DLG2: variants seen among roughly 807,000 people sequenced by gnomAD.
The protein encoded by DLG2 is discs large MAGUK scaffold protein 2, also known as disks large homolog 2.
DLG2 carries 45 observed loss-of-function variants against 132.5 expected under a neutral mutation model. That is an observed-to-expected ratio of 0.34 (90% CI 0.27 to 0.44). The LOEUF is 0.44. Among genes scored for constraint, DLG2 ranks in the 20% least tolerant of loss-of-function variants. The probability of loss-of-function intolerance (pLI) is 1.00; values close to 1 mark genes in which losing one functional copy is unlikely to be tolerated. For missense variants in DLG2, 1,045 were observed against 1,196.9 expected (o/e 0.87, Z 1.87); for synonymous variants, 424 against 419.6 (o/e 1.01, Z -0.13).
intron 8 of DLG2, among the ~76,000 whole-genome samples, chr11:84,222,308 A>G (rs2096927267): frequency 6.6e-6 from 1 of 152,228 alleles, no homozygotes; most frequent in Non-Finnish European, 1.5e-5. Flanking sequence ...CTGGGATTAC[A>G]GGTGTATGCC....
chr11:84,139,439 G>A (rs906573641), intron 9 of DLG2, among the ~76,000 whole-genome samples: 1 of 152,064 alleles, frequency 6.6e-6, no homozygotes, highest in Non-Finnish European at 1.5e-5. Context: ...AAGACGAAAG[G>A]GAAGAGATTG....
Position 83,469,245 on chromosome 11 carries a change from A to C in DLG2, c.2575T>G (p.Leu859Val). 1 of 1,613,496 alleles carries C rather than the reference A, an allele frequency of 6.2e-7. No individual in the cohort carries two copies. Among genetic ancestry groups the C allele is most frequent in the African/African-American group, 1.3e-5 (1 of 74,980 alleles). ...FIEAGQYNDN[L>V]YGTSVQSVRF... is the part of the protein sequence containing the mutation. ...ACAGACTGCACACTGGTTCCATATA[A>C]ATTGTCATTGTACTGGCCGGCTTCT... The change falls in exon 25 of 28, where the codon TTA (leucine) becomes GTA (valine). Residue 859 changes from leucine to valine, a missense_variant. Leu to Val is a conservative substitution (Grantham distance 32). Around this residue, in one of 4 missense-constraint regions of DLG2, gnomAD observed 398 missense variants for 543.6 expected, o/e 0.73. Coordinates refer to ENST00000376104, the MANE Select transcript of DLG2 (RefSeq NM_001142699.3).
chr11:84,881,391 G>T (rs1262828350), intron 6 of DLG2, among the ~76,000 whole-genome samples: 4 of 152,026 alleles, frequency 2.6e-5, no homozygotes, highest in Non-Finnish European at 5.9e-5. Flanking sequence ...AGCCAACAAG[G>T]GAGATCACAG....
intron 3 of DLG2, among the ~76,000 whole-genome samples, chr11:85,477,500 G>A (rs2093176693): frequency 6.6e-6 from 1 of 152,184 alleles, no homozygotes; most frequent in Non-Finnish European, 1.5e-5. Context: ...AGACATTAGA[G>A]AATAAATAGT....
chr11:85,037,070 A>T (rs144837061), intron 6 of DLG2, among the ~76,000 whole-genome samples: 26 of 152,304 alleles, frequency 1.7e-4, no homozygotes, highest in African/African-American at 5.5e-4. Context: ...AGCTCCTCTG[A>T]AGGCTGTTGG....
chr11:83,765,947 C>T (rs1415984407), intron 18 of DLG2, among the ~76,000 whole-genome samples: 2 of 152,156 alleles, frequency 1.3e-5, no homozygotes, highest in African/African-American at 4.8e-5. Flanking sequence ...TTTGAGAGCA[C>T]ACTTGACAGC....
chr11:85,493,059 A>G (rs2093598037), intron 3 of DLG2, among the ~76,000 whole-genome samples: 1 of 152,148 alleles, frequency 6.6e-6, no homozygotes, highest in Non-Finnish European at 1.5e-5. Context: ...TTCCTGAGTC[A>G]TATTGGCAGG....
At chr11:83,681,120 A>T (rs1264346834) in intron 18 of DLG2, among the ~76,000 whole-genome samples, 3 of 152,088 alleles carry the variant, frequency 2.0e-5, no homozygotes, top group African/African-American at 7.2e-5. Context: ...TGTCCTTGCT[A>T]CTCCTCTCCA....
At chr11:83,947,901 T>C (rs182107983) in intron 14 of DLG2, among the ~76,000 whole-genome samples, 84 of 152,300 alleles carry the variant, frequency 5.5e-4, no homozygotes, top group Non-Finnish European at 2.2e-4. Flanking sequence ...GAATCTATCA[T>C]CTCAGGTTCC....
At chr11:84,015,239 T>G (rs988698480) in intron 11 of DLG2, among the ~76,000 whole-genome samples, 1 of 152,150 alleles carries the variant, frequency 6.6e-6, no homozygotes. Context: ...GATCACTAAA[T>G]ATAAAGAAGC....
chr11:85,136,598 A>T (rs1275709991), intron 5 of DLG2, among the ~76,000 whole-genome samples: 1 of 152,210 alleles, frequency 6.6e-6, no homozygotes, highest in Non-Finnish European at 1.5e-5. Flanking sequence ...GAGGTTAATG[A>T]TCTAAAACTA....
chr11:83,831,098 T>C (rs2054363042), intron 17 of DLG2, among the ~76,000 whole-genome samples: 1 of 152,224 alleles, frequency 6.6e-6, no homozygotes. Flanking sequence ...GAGACTGCTA[T>C]GTGCCAGGCA....
intron 16 of DLG2, among the ~76,000 whole-genome samples, chr11:83,850,001 G>T (rs1406953395): frequency 1.3e-5 from 2 of 152,034 alleles, no homozygotes; most frequent in Non-Finnish European, 2.9e-5. Flanking sequence ...GCTTGGCGCT[G>T]GAAATATAAC....
chr11:84,545,183 C>G (rs2099387187), intron 6 of DLG2: 4 of 456,206 alleles, frequency 8.8e-6, no homozygotes, highest in South Asian at 5.1e-5. Context: ...CCACGAGAGC[C>G]TCCTTGGTTT....
intron 15 of DLG2, among the ~76,000 whole-genome samples, chr11:83,908,509 C>T (rs767744224): frequency 6.6e-6 from 1 of 152,048 alleles, no homozygotes; most frequent in Non-Finnish European, 1.5e-5. Flanking sequence ...TGTACATACA[C>T]ATACACACCT....
intron 8 of DLG2, among the ~76,000 whole-genome samples, chr11:84,230,696 G>A (rs2097080035): frequency 6.6e-6 from 1 of 152,148 alleles, no homozygotes; most frequent in South Asian, 2.1e-4. Flanking sequence ...TCATAAAGTA[G>A]AGGTGGGAGT....
At chr11:84,685,391 G>C (rs1179808817) in intron 6 of DLG2, among the ~76,000 whole-genome samples, 2 of 152,190 alleles carry the variant, frequency 1.3e-5, no homozygotes, top group Non-Finnish European at 2.9e-5. Context: ...ACAGAATCTA[G>C]ACATGATCCC....
chr11:85,384,721 C>T (rs1222111208), intron 3 of DLG2, among the ~76,000 whole-genome samples: 2 of 152,074 alleles, frequency 1.3e-5, no homozygotes, highest in Non-Finnish European at 2.9e-5. Flanking sequence ...GTGCATGCCA[C>T]CATGCTGGGC....
chr11:83,880,640 G>T (rs564427756), intron 15 of DLG2, among the ~76,000 whole-genome samples: 10 of 152,300 alleles, frequency 6.6e-5, no homozygotes, highest in African/African-American at 2.4e-4. Context: ...AATGAATGGA[G>T]AATTCCACCA....
Sources: gnomAD v4.1 joint callset for allele counts (sites outside exome capture counted in the v4.1 genomes callset) on GRCh38, gnomAD v4.1.1 for gene constraint, gnomAD v4.1.1 regional missense constraint, MANE v1.5 for transcripts, NCBI Gene and HGNC (gene_info 2026-07-23, HGNC 2026-07-21) for gene names.